Variants in IL5RA observed in about 807,000 individuals in gnomAD.
IL5RA encodes the protein interleukin-5 receptor subunit alpha.
IL5RA carries 49 observed loss-of-function variants against 50.0 expected under a neutral mutation model. That is an observed-to-expected ratio of 0.98 (90% confidence interval 0.78 to 1.24). The LOEUF is 1.24. Ranked by LOEUF, IL5RA falls within the 50% of genes most tolerant of loss-of-function variation. IL5RA has a pLI of 0.00. For missense variants in IL5RA, 600 were observed against 500.4 expected (o/e 1.20, Z -1.90); for synonymous variants, 202 against 174.0 (o/e 1.16, Z -1.26).
Position 3,092,334 on chromosome 3 carries a change from A to T in IL5RA, c.884T>A (p.Ile295Asn). 16 of 1,613,796 alleles carry T rather than the reference A, an allele frequency of 9.9e-6. No homozygotes were observed. The highest frequency in any genetic ancestry group is 1.4e-5 in the Non-Finnish European group (16 of 1,179,906). The change falls in exon 9 of 12, where the codon ATC becomes AAC. Residue 295 changes from isoleucine (I) to asparagine (N), a missense_variant. Physicochemically the swap from Ile to Asn is moderately radical, Grantham distance 149 (BLOSUM62 -3). Coordinates refer to ENST00000446632, the MANE Select transcript of IL5RA (RefSeq NM_175726.4). This position sits in a 1 kb window ranked among gnomAD's most constrained non-coding sequence, Gnocchi z 4.2. ...CTTAGAAAGATCATCAATTATTGAG[A>T]TGAATGCATTGGTCATCAATTTTTC... ...QIEKLMTNAFISIIDDLSKYD... is the reference protein window; with the variant it reads ...QIEKLMTNAFNSIIDDLSKYD...
intron 8 of IL5RA, among the ~76,000 whole-genome samples, chr3:3,094,065 G>T (rs1703249248): frequency 6.6e-6 from 1 of 152,132 alleles, no homozygotes; most frequent in Non-Finnish European, 1.5e-5. Flanking sequence ...TTTCTTCTCA[G>T]TTCCTTTCCC....
intron 9 of IL5RA, among the ~76,000 whole-genome samples, chr3:3,091,400 T>C (rs1006793654): frequency 2.0e-5 from 3 of 152,168 alleles, no homozygotes; most frequent in Non-Finnish European, 4.4e-5. Context: ...AACTTAAACA[T>C]GTGCTAAAAT....
intron 9 of IL5RA, among the ~76,000 whole-genome samples, chr3:3,081,046 C>T (rs1216217265): frequency 6.6e-6 from 1 of 151,966 alleles, no homozygotes; most frequent in Non-Finnish European, 1.5e-5. Flanking sequence ...ATACTTATGT[C>T]TATTGTTTTA....
rs182825852 is a variant in IL5RA, at chr3:3,072,860, C to T, written c.1176+1922G>A. Among the ~76,000 whole-genome samples the T allele has an allele frequency of 3.1e-4, 47 of 152,222 alleles. No individual in the cohort carries two copies. In the South Asian group the frequency reaches 8.7e-3, roughly 28 times the overall value. On this transcript the variant is annotated intron_variant, in intron 11 of 11. Coordinates refer to ENST00000446632, the MANE Select transcript of IL5RA (RefSeq NM_175726.4). ...CCGGGAGGTGGAGGTTGCAGTGAGC[C>T]GAGATGGTTCCACTGCACTCCAGCT...
At chr3:3,074,247 G>GTTAAATAATGATAAAACA in intron 11 of IL5RA, among the ~76,000 whole-genome samples, 1 of 152,336 alleles carries the variant, frequency 6.6e-6, no homozygotes, top group East Asian at 1.9e-4. Context: ...AGATATTCAT[G>GTTAAATAATGATAAAACA]TGGAAACATG....
rs867658609 is a variant in IL5RA, at chr3:3,070,089, C to T, written c.*136G>A. The T allele has an allele frequency of 3.0e-6, 2 of 666,306 alleles. No homozygotes were observed. Among genetic ancestry groups the T allele is most frequent in the Non-Finnish European group, 2.7e-6 (1 of 369,288 alleles). 41.3% of individuals were successfully genotyped at this position (666,306 alleles called of 1,614,324 possible). On this transcript the variant is annotated 3_prime_UTR_variant, in exon 12 of 12. Transcript: ENST00000446632. ...TTTAAGAGATACAAGACTGGTGTGT[C>T]TGGGTGTATTGCTTCGCAGGTAAAT...
intron 5 of IL5RA, among the ~76,000 whole-genome samples, chr3:3,101,394 T>C (rs1187313964): frequency 2.6e-5 from 4 of 152,204 alleles, no homozygotes; most frequent in African/African-American, 7.2e-5. Flanking sequence ...TCCCCTGTTG[T>C]GTGTGCACTT....
chr3:3,077,001 A>G (rs924774837), intron 9 of IL5RA, among the ~76,000 whole-genome samples: 2 of 152,230 alleles, frequency 1.3e-5, no homozygotes, highest in South Asian at 2.1e-4. Flanking sequence ...ATCCACAAAA[A>G]GATAAGCCTA....
chr3:3,097,428 G>T (rs1299563114), intron 7 of IL5RA, among the ~76,000 whole-genome samples: 2 of 152,150 alleles, frequency 1.3e-5, no homozygotes, highest in African/African-American at 4.8e-5. Context: ...GGACCCAGGG[G>T]CAGAAATTTC....
At chr3:3,086,670 TA>T (rs199775449) in intron 9 of IL5RA, among the ~76,000 whole-genome samples, 12 of 149,188 alleles carry the variant, frequency 8.0e-5, no homozygotes, top group East Asian at 3.9e-4. Context: ...CCTCATCTCT[TA>T]AAAAAAAATT....
Position 3,070,083 on chromosome 3 carries a change from G to A in IL5RA, c.*142C>T, listed in dbSNP as rs892762947. The A allele has an allele frequency of 1.6e-6, 1 of 637,378 alleles. No homozygotes were observed. The allele number at this position is 637,378 out of a possible 1,614,324, so 39.5% of individuals were successfully genotyped here. ...CATACTTTTAAGAGATACAAGACTG[G>A]TGTGTCTGGGTGTATTGCTTCGCAG... On this transcript the variant is annotated 3_prime_UTR_variant, in exon 12 of 12. Coordinates refer to ENST00000446632, the MANE Select transcript of IL5RA (RefSeq NM_175726.4).
intron 9 of IL5RA, among the ~76,000 whole-genome samples, chr3:3,084,321 T>C (rs972710127): frequency 2.0e-5 from 3 of 152,124 alleles, no homozygotes; most frequent in South Asian, 2.1e-4. Flanking sequence ...AGGCCAAAAT[T>C]GGAGTGCTAT....
At chr3:3,101,201 T>C (rs1324988089) in intron 5 of IL5RA, among the ~76,000 whole-genome samples, 1 of 146,972 alleles carries the variant, frequency 6.8e-6, no homozygotes, top group African/African-American at 2.5e-5. Context: ...AAAAAGTAAA[T>C]GAGAAGATCT....
chr3:3,081,520 G>A (rs1702664448), intron 9 of IL5RA, among the ~76,000 whole-genome samples: 1 of 152,152 alleles, frequency 6.6e-6, no homozygotes, highest in Non-Finnish European at 1.5e-5. Flanking sequence ...CAGAAAGAAG[G>A]GGCAGTGTTG....
In IL5RA at chr3:3,092,424, T is replaced by C; in HGVS notation, c.856-62A>G. On this transcript the variant is annotated intron_variant, in intron 8 of 11. Transcript: ENST00000446632. This position sits in a 1 kb window ranked among gnomAD's most constrained non-coding sequence, Gnocchi z 4.2. Reference sequence around the variant, plus strand: ...ACACCTAATTTAGTTCTGCCGATTATCAGAATGGGAGGTCCTATATAGGTC... The same window carrying C: ...ACACCTAATTTAGTTCTGCCGATTACCAGAATGGGAGGTCCTATATAGGTC... 1 of 1,509,830 alleles carries C rather than the reference T, an allele frequency of 6.6e-7. No individual in the cohort carries two copies. The highest frequency in any genetic ancestry group is 9.1e-7 in the Non-Finnish European group (1 of 1,099,832). 93.5% of individuals were successfully genotyped at this position (1,509,830 alleles called of 1,614,324 possible).
intron 9 of IL5RA, among the ~76,000 whole-genome samples, chr3:3,090,724 G>C (rs1241854576): frequency 1.3e-5 from 2 of 151,628 alleles, no homozygotes; most frequent in Non-Finnish European, 2.9e-5. Context: ...CCGCCACCAC[G>C]CCCGGCTAAT....
At chr3:3,091,417 G>T (rs1016471901) in intron 9 of IL5RA, among the ~76,000 whole-genome samples, 5 of 152,142 alleles carry the variant, frequency 3.3e-5, no homozygotes, top group Non-Finnish European at 4.4e-5. Context: ...AAATTGCATA[G>T]AACCAAACAG....
At chr3:3,091,304 G>C (rs764989892) in intron 9 of IL5RA, among the ~76,000 whole-genome samples, 3 of 152,302 alleles carry the variant, frequency 2.0e-5, no homozygotes, top group Non-Finnish European at 4.4e-5. Flanking sequence ...GGATAGAAGA[G>C]AGGAGAGAGA....
rs925340630 is a variant in IL5RA, at chr3:3,092,410, A to C, written c.856-48T>G. The C allele has an allele frequency of 1.3e-6, 2 of 1,571,102 alleles. No homozygotes were observed. Among genetic ancestry groups the C allele is most frequent in the African/African-American group, 1.3e-5 (1 of 74,332 alleles). On this transcript the variant is annotated intron_variant, in intron 8 of 11. Transcript: ENST00000446632. The surrounding 1 kb of genome is among the most constrained non-coding windows in gnomAD (Gnocchi z 4.2). ...AGAAGAATCTCTAGACACCTAATTT[A>C]GTTCTGCCGATTATCAGAATGGGAG... is the stretch of plus-strand genomic sequence containing the variant.
Sources: allele counts gnomAD v4.1 joint callset (sites outside exome capture counted in the v4.1 genomes callset), GRCh38; gene constraint gnomAD v4.1.1; non-coding constraint Gnocchi (gnomAD v3.1); transcripts MANE v1.5; gene names NCBI Gene and HGNC (gene_info 2026-07-23, HGNC 2026-07-21).